ADAMTS17: variants seen among roughly 807,000 people sequenced by gnomAD.
The protein encoded by ADAMTS17 is ADAM metallopeptidase with thrombospondin type 1 motif 17.
A neutral mutation model predicts 141.5 loss-of-function variants in ADAMTS17; 113 were observed. The ratio of observed to expected loss-of-function variants is 0.80; its 90% CI spans 0.69 to 0.93. The LOEUF (loss-of-function observed/expected upper bound fraction) is 0.93. Among genes scored for constraint, ADAMTS17 ranks in the 40% least tolerant of loss-of-function variants. The pLI is 0.00. For synonymous variants in ADAMTS17, 768 were observed against 630.6 expected, an observed-to-expected ratio of 1.22 and a Z score of -3.27; for missense variants, 1,659 against 1,517.9, an observed-to-expected ratio of 1.09 and a Z score of -1.54.
intron 18 of ADAMTS17, among the ~76,000 whole-genome samples, chr15:100,045,144 A>AAAAAAAC (rs2031586009): frequency 7.1e-6 from 1 of 140,788 alleles, no homozygotes; most frequent in African/African-American, 3.2e-5. Context: ...CATTAAAATA[A>AAAAAAAC]CCTCAAATTT....
intron 11 of ADAMTS17, 68 bp downstream of exon 11, chr15:100,133,146 A>G: frequency 7.0e-7 from 1 of 1,418,890 alleles, no homozygotes; most frequent in Non-Finnish European, 9.7e-7. Flanking sequence ...ATTGTGTGTC[A>G]GAAGAGGTGC....
At chr15:100,292,234 G>C (rs564406679) in intron 3 of ADAMTS17, among the ~76,000 whole-genome samples, 31 of 150,064 alleles carry the variant, frequency 2.1e-4, no homozygotes, top group African/African-American at 3.9e-4. Flanking sequence ...AATCACGAGA[G>C]ACGCTCACCC....
At chr15:100,135,759 CAA>C (rs1328728240) in intron 10 of ADAMTS17, among the ~76,000 whole-genome samples, 1 of 152,088 alleles carries the variant, frequency 6.6e-6, no homozygotes, top group African/African-American at 2.4e-5. Flanking sequence ...GAAAAATGGG[CAA>C]AAGTCTTGAA....
chr15:100,186,007 G>A (rs2040703484), intron 8 of ADAMTS17, among the ~76,000 whole-genome samples: 1 of 152,106 alleles, frequency 6.6e-6, no homozygotes, highest in Non-Finnish European at 1.5e-5. Flanking sequence ...CTACGGGACG[G>A]TCAGTTTGTT....
At chr15:100,328,693 T>C (rs1238234679) in intron 3 of ADAMTS17, among the ~76,000 whole-genome samples, 1 of 152,148 alleles carries the variant, frequency 6.6e-6, no homozygotes, top group East Asian at 1.9e-4. Flanking sequence ...CTCAAAACTC[T>C]CCTTAGGGAC....
At chr15:100,254,981 C>T (rs963663081) in intron 6 of ADAMTS17, among the ~76,000 whole-genome samples, 5 of 151,420 alleles carry the variant, frequency 3.3e-5, no homozygotes, top group Non-Finnish European at 7.4e-5. Context: ...CCTGCACATC[C>T]TGCACATGTG....
At chr15:100,282,492 G>C (rs1350481594) in intron 3 of ADAMTS17, among the ~76,000 whole-genome samples, 1 of 152,120 alleles carries the variant, frequency 6.6e-6, no homozygotes, top group African/African-American at 2.4e-5. Flanking sequence ...TTATAAATTA[G>C]GCATAGTAAG....
chr15:100,283,597 G>C (rs748122690), intron 3 of ADAMTS17, among the ~76,000 whole-genome samples: 1 of 152,238 alleles, frequency 6.6e-6, no homozygotes, highest in Non-Finnish European at 1.5e-5. Context: ...ACCATCTGCA[G>C]ATGCTCCCCA....
chr15:100,169,916 G>A (rs746562201), intron 8 of ADAMTS17, among the ~76,000 whole-genome samples: 33 of 151,966 alleles, frequency 2.2e-4, no homozygotes, highest in African/African-American at 4.6e-4. Context: ...GGCCACTCCC[G>A]GGGGCACTCA....
intron 8 of ADAMTS17, among the ~76,000 whole-genome samples, chr15:100,179,832 A>C (rs1168563359): frequency 6.6e-6 from 1 of 152,184 alleles, no homozygotes; most frequent in Non-Finnish European, 1.5e-5. Flanking sequence ...CTTCTTTTGA[A>C]AAATGTCTAT....
intron 18 of ADAMTS17, among the ~76,000 whole-genome samples, chr15:100,020,149 T>C (rs1172910608): frequency 1.3e-5 from 2 of 152,216 alleles, no homozygotes; most frequent in Non-Finnish European, 2.9e-5. Flanking sequence ...TGGGAGGCCC[T>C]GCCCTGCTGG....
intron 7 of ADAMTS17, among the ~76,000 whole-genome samples, chr15:100,242,012 G>A (rs920452594): frequency 7.2e-5 from 11 of 152,144 alleles, no homozygotes; most frequent in African/African-American, 1.9e-4. Context: ...AGAAATTGAG[G>A]TTAAAAACTC....
chr15:100,092,896 C>T (rs1307541184), intron 15 of ADAMTS17, among the ~76,000 whole-genome samples: 2 of 152,188 alleles, frequency 1.3e-5, no homozygotes, highest in Non-Finnish European at 2.9e-5. Flanking sequence ...GACCAGCCAC[C>T]TTTTTAGTGC....
intron 8 of ADAMTS17, among the ~76,000 whole-genome samples, chr15:100,184,326 G>C (rs61650904): frequency 0.12 from 18,970 of 152,204 alleles, 1,546 homozygotes; most frequent in East Asian, 0.29. Flanking sequence ...GCCCCAATCG[G>C]TGTATGTGGG....
At chr15:100,223,843 T>C (rs914671559) in intron 7 of ADAMTS17, among the ~76,000 whole-genome samples, 1 of 151,574 alleles carries the variant, frequency 6.6e-6, no homozygotes. Context: ...ATATATGGAG[T>C]TTATTAAGTA....
chr15:100,137,102 T>C (rs1463956565), intron 10 of ADAMTS17, among the ~76,000 whole-genome samples: 1 of 152,206 alleles, frequency 6.6e-6, no homozygotes, highest in African/African-American at 2.4e-5. Flanking sequence ...TCTGGAGAAG[T>C]TACCACAGGA....
rs116223262 is a variant in ADAMTS17 at position 100,156,991 on chromosome 15, C to T, written c.1182-1671G>A. 5.4e-3 allele frequency among the ~76,000 whole-genome samples: 824 copies of T among 152,274 alleles called. 8 individuals are homozygous for T. The highest frequency in any genetic ancestry group is 0.019 in the African/African-American group (784 of 41,544). ...AGGTTTAACTGACTCACAGTTCTGC[C>T]AGGGAGACCTCAGGAAACTTACAAT... On this transcript the variant is annotated intron_variant, in intron 8 of 21. Coordinates refer to ENST00000268070, the MANE Select transcript of ADAMTS17 (RefSeq NM_139057.4).
At chr15:100,221,743 T>C (rs1294586024) in intron 7 of ADAMTS17, among the ~76,000 whole-genome samples, 3 of 152,190 alleles carry the variant, frequency 2.0e-5, no homozygotes, top group African/African-American at 7.2e-5. Flanking sequence ...TGGGACAGGT[T>C]TGCCGGGTGG....
intron 12 of ADAMTS17, chr15:100,128,634 T>C (rs990885921): frequency 4.6e-5 from 7 of 152,056 alleles, no homozygotes; most frequent in Non-Finnish European, 7.4e-5. Flanking sequence ...GAGTGAAAGA[T>C]TTTCACAACT....
Sources: gnomAD v4.1 joint callset for allele counts (sites outside exome capture counted in the v4.1 genomes callset) on GRCh38, gnomAD v4.1.1 for gene constraint, MANE v1.5 for transcripts, NCBI Gene and HGNC (gene_info 2026-07-23, HGNC 2026-07-21) for gene names.